TRIM36: variants seen among roughly 807,000 people sequenced by gnomAD.
TRIM36 encodes tripartite motif containing 36, also known as E3 ubiquitin-protein ligase TRIM36.
In TRIM36, 42 loss-of-function variants were observed where a neutral mutation model predicts 72.4. The ratio of observed to expected loss-of-function variants is 0.58; its 90% confidence interval spans 0.45 to 0.75. The LOEUF (loss-of-function observed/expected upper bound fraction) is 0.75, where lower values mean the gene tolerates loss of function less well. Ranked by LOEUF, TRIM36 falls within the 30% of genes least tolerant of loss-of-function variation. TRIM36 has a pLI of 0.00. For synonymous variants in TRIM36, 315 were observed against 282.8 expected (o/e 1.11, Z -1.14); for missense variants, 913 against 857.1 (o/e 1.07, Z -0.81).
At chr5:115,171,289 C>T (rs1434736157), upstream of TRIM36, 1 of 1,597,594 alleles carries the variant, frequency 6.3e-7, no homozygotes, top group Non-Finnish European at 8.6e-7. Context: ...GGAATACCCT[C>T]CATTTACAGA....
chr5:115,158,798 T>C (rs1205874136), intron 2 of TRIM36, among the ~76,000 whole-genome samples: 1 of 152,252 alleles, frequency 6.6e-6, no homozygotes, highest in Non-Finnish European at 1.5e-5. Context: ...TCTTTCCTTC[T>C]AATTACTAAA....
intron 2 of TRIM36, 46 bp downstream of exon 2, chr5:115,163,472 T>C (rs1421788032): frequency 1.3e-6 from 2 of 1,518,596 alleles, no homozygotes; most frequent in South Asian, 1.1e-5. Flanking sequence ...TATATATCTA[T>C]AAGCTTACCC....
chr5:115,165,777 C>T lies in TRIM36; in HGVS notation c.28-2025G>A, dbSNP rs1323468446. Among the ~76,000 whole-genome samples the T allele has an allele frequency of 1.4e-4, 21 of 152,248 alleles. 1 individual carries two copies. In the East Asian group the frequency reaches 2.7e-3, roughly 20 times the overall value. On this transcript the variant is annotated intron_variant, in intron 1 of 9. Transcript: ENST00000513154. ...CCACCCAGCTGTGGACTAGGGCATTCCTATGCTCTCGGGGGCCCAGGATGC... is the reference window on the plus strand; with the variant it reads ...CCACCCAGCTGTGGACTAGGGCATTTCTATGCTCTCGGGGGCCCAGGATGC...
chr5:115,138,855 G>A lies in TRIM36; in HGVS notation c.832-1239C>T, dbSNP rs562706114. On this transcript the variant is annotated intron_variant, in intron 5 of 9. Transcript: ENST00000513154. Reference sequence around the variant, plus strand: ...TTTTGAGACAGAGTCTCGCTCTGTCGCCCAGGCTGTAGTGCAGTGGCGCGA... The same window carrying A: ...TTTTGAGACAGAGTCTCGCTCTGTCACCCAGGCTGTAGTGCAGTGGCGCGA... Among the ~76,000 whole-genome samples the A allele has an allele frequency of 1.1e-3, 166 of 152,072 alleles. 1 individual carries two copies. Among genetic ancestry groups the A allele is most frequent in the African/African-American group, 3.6e-3 (149 of 41,484 alleles).
rs140760667 is a variant in TRIM36, at chr5:115,137,427, G to C, written c.1021C>G (p.Gln341Glu). 6.2e-7 allele frequency: 1 copy of C among 1,614,098 alleles called. No homozygotes were observed. The highest frequency in any genetic ancestry group is 8.5e-7 in the Non-Finnish European group (1 of 1,180,006). The change falls in exon 6 of 10, where the codon CAA becomes GAA. Residue 341 changes from glutamine to glutamate, a missense_variant. Transcript: ENST00000513154. Reference sequence around the variant, plus strand: ...TGATCTGTCTCCTTTAGCACTTCTTGAGCATATCCCACAAGTCCATTGTTC... The same window carrying C: ...TGATCTGTCTCCTTTAGCACTTCTTCAGCATATCCCACAAGTCCATTGTTC... The part of the protein sequence containing the change: ...LENNGLVGYA[Q>E]EVLKETDQSC...
At chr5:115,132,907 ACT>A (rs1752767092) in intron 8 of TRIM36, among the ~76,000 whole-genome samples, 1 of 152,098 alleles carries the variant, frequency 6.6e-6, no homozygotes, top group Non-Finnish European at 1.5e-5. Flanking sequence ...TCATCCCAAA[ACT>A]CTCTATTGGA....
chr5:115,162,349 T>C (rs190626868), intron 2 of TRIM36, among the ~76,000 whole-genome samples: 1 of 152,352 alleles, frequency 6.6e-6, no homozygotes, highest in African/African-American at 2.4e-5. Context: ...CCATTATTAC[T>C]GAATATAAGC....
intron 2 of TRIM36, among the ~76,000 whole-genome samples, chr5:115,153,981 T>A (rs1184156057): frequency 6.6e-6 from 1 of 151,598 alleles, no homozygotes; most frequent in Non-Finnish European, 1.5e-5. Flanking sequence ...TATCAAGCAC[T>A]CTCTCAGACC....
intron 5 of TRIM36, among the ~76,000 whole-genome samples, chr5:115,138,629 A>G (rs890271578): frequency 2.0e-5 from 3 of 152,170 alleles, no homozygotes; most frequent in Non-Finnish European, 2.9e-5. Context: ...TACATAAAGT[A>G]TATACCACAG....
chr5:115,145,289 A>G (rs971367024), intron 3 of TRIM36, among the ~76,000 whole-genome samples: 5 of 152,214 alleles, frequency 3.3e-5, no homozygotes, highest in Non-Finnish European at 7.3e-5. Context: ...CCAAATTTGG[A>G]ACTGTTTTTC....
In TRIM36 at chr5:115,137,365, G is replaced by C; in HGVS notation, c.1083C>G (p.Leu361=). The C allele has an allele frequency of 1.9e-6, 3 of 1,604,326 alleles. No individual in the cohort carries two copies. Among genetic ancestry groups the C allele is most frequent in the Non-Finnish European group, 8.5e-7 (1 of 1,177,038 alleles). The change falls in exon 6 of 10, where the codon CTC becomes CTG. Residue 361 remains leucine, a splice_region_variant and synonymous_variant. Coordinates refer to ENST00000513154, the MANE Select transcript of TRIM36 (RefSeq NM_001300759.2). The stretch of plus-strand genomic sequence containing the variant: ...AAGTTAGAAGTAAAAGAGAATACCT[G>C]AGGTGGAGCTGCTTTGCTGTCTGCA... The part of the protein sequence containing the change: ...CFVQTAKQLH[L]RIQKATESLK...
chr5:115,154,136 C>A (rs559504615), intron 2 of TRIM36, among the ~76,000 whole-genome samples: 56 of 152,046 alleles, frequency 3.7e-4, no homozygotes, highest in African/African-American at 1.3e-3. Flanking sequence ...CTTCAAGCTG[C>A]ATGACAATAG....
At chr5:115,166,898 C>T (rs1331949905) in intron 1 of TRIM36, among the ~76,000 whole-genome samples, 1 of 152,114 alleles carries the variant, frequency 6.6e-6, no homozygotes, top group Non-Finnish European at 1.5e-5. Flanking sequence ...GGCGCCCATA[C>T]TGGCACCTGG....
In TRIM36 at chr5:115,137,515, G is replaced by A; in HGVS notation, c.933C>T (p.Ser311=). 6.2e-7 allele frequency: 1 copy of A among 1,614,042 alleles called. No homozygotes were observed. The highest frequency in any genetic ancestry group is 8.5e-7 in the Non-Finnish European group (1 of 1,179,990). Residue 311 remains serine, a synonymous_variant, in exon 6 of 10, where the codon TCC becomes TCT. Coordinates refer to ENST00000513154, the MANE Select transcript of TRIM36 (RefSeq NM_001300759.2). Reference sequence around the variant, plus strand: ...ATTTGTCTAATCTTAGTTTCTTAGAGGAGTCAATTGCTTTCAAAACAGATG... The same window carrying A: ...ATTTGTCTAATCTTAGTTTCTTAGAAGAGTCAATTGCTTTCAAAACAGATG... The part of the protein sequence containing the change: ...RKSSVLKAID[S]SKKLRLDKFQ...
At position 115,169,488 on chromosome 5, in the gene TRIM36, C is replaced by T. The variant is rs912527725; in HGVS notation, c.27+120G>A. On this transcript the variant is annotated intron_variant, in intron 1 of 9. Coordinates refer to ENST00000513154, the MANE Select transcript of TRIM36 (RefSeq NM_001300759.2). Reference sequence around the variant, plus strand: ...AGGCGAAGAGGAAGCGGGATCCCCACACGCCTGCCTTTGCTCTCCCGGGAG... The same window carrying T: ...AGGCGAAGAGGAAGCGGGATCCCCATACGCCTGCCTTTGCTCTCCCGGGAG... The T allele has an allele frequency of 3.0e-5, 34 of 1,130,470 alleles. No individual in the cohort carries two copies. The African/African-American group carries it at 3.8e-4, about 13-fold the overall frequency. The allele number at this position is 1,130,470 out of a possible 1,614,324, so 70.0% of individuals were successfully genotyped here.
upstream of TRIM36, among the ~76,000 whole-genome samples, chr5:115,170,766 AC>A (rs558638359): frequency 6.6e-6 from 1 of 151,764 alleles, no homozygotes; most frequent in Non-Finnish European, 1.5e-5. Context: ...CAAGGGAGAG[AC>A]CCCCCGCCAC....
chr5:115,169,547 G>T, intron 1 of TRIM36, 61 bp downstream of exon 1: 1 of 1,480,780 alleles, frequency 6.8e-7, no homozygotes, highest in Non-Finnish European at 9.0e-7. Context: ...GGAGGAAAGA[G>T]AAAGAGCCGC....
At chr5:115,171,293 T>C (rs1363460095), upstream of TRIM36, 3 of 1,596,432 alleles carry the variant, frequency 1.9e-6, no homozygotes, top group Non-Finnish European at 2.6e-6. Flanking sequence ...TACCCTCCAT[T>C]TACAGATGAG....
chr5:115,173,126 T>C (rs1224210974), upstream of TRIM36, among the ~76,000 whole-genome samples: 1 of 152,246 alleles, frequency 6.6e-6, no homozygotes, highest in Non-Finnish European at 1.5e-5. Context: ...CATCAACTTC[T>C]CTGTTTCAGC....
Sources: gnomAD v4.1 joint callset for allele counts (sites outside exome capture counted in the v4.1 genomes callset) on GRCh38, gnomAD v4.1.1 for gene constraint, MANE v1.5 for transcripts, NCBI Gene and HGNC (gene_info 2026-07-23, HGNC 2026-07-21) for gene names.